The following ZFPM2 variants were observed in gnomAD, a reference collection of about 807,000 sequenced individuals.
ZFPM2 encodes zinc finger protein ZFPM2.
ZFPM2 carries 20 observed loss-of-function variants against 98.6 expected under a neutral mutation model. That is an observed-to-expected ratio of 0.20 (90% CI 0.14 to 0.29). ZFPM2 has a LOEUF of 0.29. ZFPM2 is among the 10% of genes least tolerant of loss of function. The pLI is 1.00. For synonymous variants in ZFPM2, 518 were observed against 502.7 expected, an observed-to-expected ratio of 1.03 and a Z score of -0.41; for missense variants, 1,310 against 1,388.6, an observed-to-expected ratio of 0.94 and a Z score of 0.90.
At chr8:105,321,603 T>C (rs1375004197) in intron 1 of ZFPM2, among the ~76,000 whole-genome samples, 1 of 152,182 alleles carries the variant, frequency 6.6e-6, no homozygotes, top group Non-Finnish European at 1.5e-5. Flanking sequence ...GGCACAGTTT[T>C]TTTTTTCTTT....
chr8:105,684,606 C>A (rs956566004), intron 5 of ZFPM2, among the ~76,000 whole-genome samples: 3 of 152,024 alleles, frequency 2.0e-5, no homozygotes, highest in Non-Finnish European at 4.4e-5. Context: ...TAATTCCAAA[C>A]AAAACACGGT....
chr8:105,429,661 T>G (rs1233635806), intron 2 of ZFPM2, among the ~76,000 whole-genome samples: 2 of 142,914 alleles, frequency 1.4e-5, no homozygotes, highest in Non-Finnish European at 3.0e-5. Flanking sequence ...CAATAACTTT[T>G]AACGAGAAAC....
At chr8:105,537,546 GA>G (rs1329291915) in intron 3 of ZFPM2, among the ~76,000 whole-genome samples, 2 of 152,064 alleles carry the variant, frequency 1.3e-5, no homozygotes, top group African/African-American at 4.8e-5. Flanking sequence ...ACTTAGGCAT[GA>G]TGGCATGTGC....
intron 1 of ZFPM2, among the ~76,000 whole-genome samples, chr8:105,417,933 T>C (rs1313507426): frequency 6.6e-6 from 1 of 152,174 alleles, no homozygotes; most frequent in South Asian, 2.1e-4. Context: ...AAATTTTTAG[T>C]TGGATGTCCC....
intron 5 of ZFPM2, among the ~76,000 whole-genome samples, chr8:105,647,920 A>G (rs1218918748): frequency 6.6e-6 from 1 of 152,140 alleles, no homozygotes; most frequent in African/African-American, 2.4e-5. Context: ...GTCAAATGGT[A>G]TTTCTAGTTC....
intron 2 of ZFPM2, among the ~76,000 whole-genome samples, chr8:105,443,759 G>A (rs1812313143): frequency 6.6e-6 from 1 of 152,020 alleles, no homozygotes; most frequent in Non-Finnish European, 1.5e-5. Flanking sequence ...ATTTAATTAT[G>A]GCCTTTTCCA....
intron 1 of ZFPM2, among the ~76,000 whole-genome samples, chr8:105,381,708 G>T (rs895680607): frequency 2.0e-5 from 3 of 152,052 alleles, no homozygotes; most frequent in African/African-American, 7.2e-5. Context: ...AAATGTAAAT[G>T]TTTTTGCATA....
At chr8:105,625,970 G>GAAAAAA in intron 4 of ZFPM2, among the ~76,000 whole-genome samples, 1 of 141,128 alleles carries the variant, frequency 7.1e-6, no homozygotes, top group Admixed American at 7.0e-5. Flanking sequence ...TCTATTTTCT[G>GAAAAAA]GAAAAAAAAA....
chr8:105,371,312 G>T (rs1278184980), intron 1 of ZFPM2, among the ~76,000 whole-genome samples: 1 of 152,090 alleles, frequency 6.6e-6, no homozygotes, highest in Non-Finnish European at 1.5e-5. Context: ...AATATTTAAA[G>T]AATTTATACT....
At chr8:105,677,652 C>G (rs1363225971) in intron 5 of ZFPM2, among the ~76,000 whole-genome samples, 1 of 150,688 alleles carries the variant, frequency 6.6e-6, no homozygotes, top group Non-Finnish European at 1.5e-5. Flanking sequence ...TAGTAACTTC[C>G]AGTGCTTTGA....
intron 6 of ZFPM2, among the ~76,000 whole-genome samples, chr8:105,790,856 A>G (rs1563566434): frequency 1.3e-5 from 2 of 152,290 alleles, no homozygotes; most frequent in East Asian, 1.9e-4. Context: ...CTTTGAAGCA[A>G]TTGTGAATGG....
intron 1 of ZFPM2, among the ~76,000 whole-genome samples, chr8:105,393,334 T>TGTCTGTCTGTCTGTC (rs374340648): frequency 1.6e-5 from 2 of 124,318 alleles, no homozygotes; most frequent in African/African-American, 5.8e-5. Flanking sequence ...CTCTCTCTCT[T>TGTCTGTCTGTCTGTC]TGCCTTTCTT....
At chr8:105,498,432 A>G (rs1464491501) in intron 3 of ZFPM2, among the ~76,000 whole-genome samples, 1 of 152,104 alleles carries the variant, frequency 6.6e-6, no homozygotes, top group African/African-American at 2.4e-5. Context: ...GTCAGGTGCT[A>G]TTTCCTCTAA....
At chr8:105,431,779 G>A (rs752978662) in intron 2 of ZFPM2, among the ~76,000 whole-genome samples, 15 of 151,992 alleles carry the variant, frequency 9.9e-5, no homozygotes, top group Non-Finnish European at 1.8e-4. Context: ...ACCTAGCAGG[G>A]CATGGTGGTG....
chr8:105,524,577 C>A (rs940017403), intron 3 of ZFPM2, among the ~76,000 whole-genome samples: 1 of 151,880 alleles, frequency 6.6e-6, no homozygotes, highest in Admixed American at 6.6e-5. Context: ...AGCAAGGTAC[C>A]CTTTCTTTAC....
intron 4 of ZFPM2, among the ~76,000 whole-genome samples, chr8:105,599,212 C>T (rs967085168): frequency 7.9e-5 from 12 of 151,832 alleles, no homozygotes; most frequent in Non-Finnish European, 1.5e-4. Flanking sequence ...CTGTTTGATC[C>T]GTGTCCTTTT....
At chr8:105,497,647 C>CT (rs1813502208) in intron 3 of ZFPM2, among the ~76,000 whole-genome samples, 1 of 152,024 alleles carries the variant, frequency 6.6e-6, no homozygotes, top group African/African-American at 2.4e-5. Flanking sequence ...TAAGAATTAG[C>CT]TTTTTTACTT....
rs868380076 is a variant in ZFPM2, at chr8:105,444,130, A to G, written c.200-150A>G. On this transcript the variant is annotated intron_variant, in intron 2 of 7. Transcript: ENST00000407775. ...TATTGTGAAGCCACAATAGATATCA[A>G]AATAGTCATGAACATTTATTAGTGT... 8 of 614,392 alleles carry G rather than the reference A, an allele frequency of 1.3e-5. No individual in the cohort carries two copies. The Middle Eastern group carries it at 1.1e-3, about 87-fold the overall frequency. The allele number at this position is 614,392 out of a possible 1,614,324, so 38.1% of individuals were successfully genotyped here.
chr8:105,413,624 T>A (rs1811624469), intron 1 of ZFPM2, among the ~76,000 whole-genome samples: 1 of 151,638 alleles, frequency 6.6e-6, no homozygotes, highest in Non-Finnish European at 1.5e-5. Context: ...TTTCTTTGCC[T>A]GTCCATTCCT....
Sources: gnomAD v4.1 joint callset for allele counts (sites outside exome capture counted in the v4.1 genomes callset) on GRCh38, gnomAD v4.1.1 for gene constraint, MANE v1.5 for transcripts, NCBI Gene and HGNC (gene_info 2026-07-23, HGNC 2026-07-21) for gene names.